PNLIPRP3: variants seen among roughly 807,000 people sequenced by gnomAD.
The protein encoded by PNLIPRP3 is pancreatic lipase-related protein 3.
A neutral mutation model predicts 52.8 loss-of-function variants in PNLIPRP3; 58 were observed. The ratio of observed to expected loss-of-function variants is 1.10; its 90% CI spans 0.89 to 1.37. The LOEUF (loss-of-function observed/expected upper bound fraction) is 1.37, where lower values mean the gene tolerates loss of function less well. PNLIPRP3 is among the 40% of genes most tolerant of loss of function. PNLIPRP3 has a pLI of 0.00. For synonymous variants in PNLIPRP3, 192 were observed against 185.0 expected (o/e 1.04, Z -0.31); for missense variants, 593 against 561.6 (o/e 1.06, Z -0.57).
intron 10 of PNLIPRP3, among the ~76,000 whole-genome samples, chr10:116,475,991 G>C (rs1846458202): frequency 6.6e-6 from 1 of 152,136 alleles, no homozygotes; most frequent in Non-Finnish European, 1.5e-5. Context: ...AAGAGATGTT[G>C]GTTTGGGTGC....
rs1846055423 is a variant in PNLIPRP3, at chr10:116,452,650, C to A, written c.457-3072C>A. On this transcript the variant is annotated intron_variant, in intron 4 of 11. Transcript: ENST00000369230. ...GCATCCCAGCTGCTCAGGCTCCACC[C>A]TCAGCAACTAGGGCCCCAGATACAG... Among the ~76,000 whole-genome samples, 3 of 152,212 alleles carry A rather than the reference C, an allele frequency of 2.0e-5. No individual in the cohort carries two copies. In the South Asian group the frequency reaches 6.2e-4, roughly 31 times the overall value.
At chr10:116,462,150 C>T (rs749478669) in intron 7 of PNLIPRP3, among the ~76,000 whole-genome samples, 1 of 152,016 alleles carries the variant, frequency 6.6e-6, no homozygotes, top group Non-Finnish European at 1.5e-5. Context: ...ACAAATTAAA[C>T]AAGTAGTATT....
At chr10:116,439,025 G>A (rs148523684) in intron 2 of PNLIPRP3, among the ~76,000 whole-genome samples, 1 of 152,284 alleles carries the variant, frequency 6.6e-6, no homozygotes, top group East Asian at 1.9e-4. Flanking sequence ...GAGATATCTG[G>A]AGCAGGTAAT....
chr10:116,463,674 G>C (rs1040047438), intron 7 of PNLIPRP3, among the ~76,000 whole-genome samples: 7 of 152,116 alleles, frequency 4.6e-5, no homozygotes, highest in African/African-American at 7.2e-5. Flanking sequence ...TACTGCAAAT[G>C]GGTGAGGACC....
At chr10:116,444,166 C>A (rs1845907512) in intron 3 of PNLIPRP3, among the ~76,000 whole-genome samples, 1 of 151,858 alleles carries the variant, frequency 6.6e-6, no homozygotes, top group Admixed American at 6.6e-5. Flanking sequence ...GGGAAACCAC[C>A]CCCATGAATC....
intron 9 of PNLIPRP3, among the ~76,000 whole-genome samples, chr10:116,470,515 T>A (rs1269687374): frequency 4.2e-4 from 1 of 2,374 alleles, no homozygotes; most frequent in Non-Finnish European, 1.2e-3. Context: ...ATATATATAA[T>A]TTTTTTTTTT....
intron 5 of PNLIPRP3, among the ~76,000 whole-genome samples, chr10:116,457,946 CCT>C (rs1422698308): frequency 1.3e-5 from 2 of 152,022 alleles, no homozygotes; most frequent in African/African-American, 4.8e-5. Flanking sequence ...AATCTATATT[CCT>C]CTGAGAAATT....
At chr10:116,452,589 C>A (rs2133132331) in intron 4 of PNLIPRP3, among the ~76,000 whole-genome samples, 1 of 152,326 alleles carries the variant, frequency 6.6e-6, no homozygotes, top group East Asian at 1.9e-4. Context: ...GCCTAGGGTG[C>A]CACTGCCCTG....
chr10:116,452,463 T>G (rs1846052677), intron 4 of PNLIPRP3, among the ~76,000 whole-genome samples: 2 of 152,142 alleles, frequency 1.3e-5, no homozygotes, highest in African/African-American at 4.8e-5. Flanking sequence ...GGGAGCTGGG[T>G]GCTACTATCC....
Position 116,436,837 on chromosome 10 carries a change from A to G in PNLIPRP3, c.176A>G (p.Tyr59Cys), listed in dbSNP as rs760605429. Residue 59 changes from tyrosine to cysteine, a missense_variant, in exon 2 of 12, where the codon TAC becomes TGC. Physicochemically the swap from Tyr to Cys is radical, Grantham distance 194. Coordinates refer to ENST00000369230, the MANE Select transcript of PNLIPRP3 (RefSeq NM_001011709.3). ...AAGATAAACACTCGTTTCCTGCTCTACACTATACACAATCCCAATGCCTAT... is the reference window on the plus strand; with the variant it reads ...AAGATAAACACTCGTTTCCTGCTCTGCACTATACACAATCCCAATGCCTAT... Reference protein sequence around the residue: ...PEKINTRFLLYTIHNPNAYQE... With the variant: ...PEKINTRFLLCTIHNPNAYQE... The G allele has an allele frequency of 1.2e-6, 2 of 1,609,290 alleles. No individual in the cohort carries two copies. Among genetic ancestry groups the G allele is most frequent in the Non-Finnish European group, 1.7e-6 (2 of 1,177,290 alleles).
At chr10:116,429,551 C>T (rs932119320) in intron 1 of PNLIPRP3, among the ~76,000 whole-genome samples, 4 of 152,170 alleles carry the variant, frequency 2.6e-5, no homozygotes, top group African/African-American at 7.2e-5. Flanking sequence ...ACTTTCAGTT[C>T]AGTGTTTTTC....
chr10:116,460,883 G>A, intron 5 of PNLIPRP3, 83 bp from the exon 6 acceptor site: 1 of 1,519,770 alleles, frequency 6.6e-7, no homozygotes, highest in East Asian at 2.3e-5. Context: ...TAGAAATAAT[G>A]TAGGAAAGGA....
intron 4 of PNLIPRP3, among the ~76,000 whole-genome samples, chr10:116,454,180 C>A (rs10885938): frequency 2.3e-4 from 35 of 152,130 alleles, no homozygotes; most frequent in Non-Finnish European, 4.4e-4. Context: ...GTGCAGTGGC[C>A]TGATCTCAGC....
Position 116,455,713 on chromosome 10 carries a change from T to A in PNLIPRP3, c.457-9T>A. On this transcript the variant is annotated splice_polypyrimidine_tract_variant and intron_variant, in intron 4 of 11. Transcript: ENST00000369230. ...TTAAAATACTTATTCTGTTAAACAA[T>A]TCTTTCAGAAAAAATTTGAATATTC... 1.3e-6 allele frequency: 2 copies of A among 1,599,432 alleles called. No homozygotes were observed. The highest frequency in any genetic ancestry group is 1.3e-5 in the African/African-American group (1 of 74,678).
At chr10:116,440,706 T>G (rs577696684) in intron 2 of PNLIPRP3, among the ~76,000 whole-genome samples, 1 of 152,184 alleles carries the variant, frequency 6.6e-6, no homozygotes. Context: ...GTCTTTACAG[T>G]TACCTTTCTG....
chr10:116,475,838 AATTTAGATTGG>A (rs1490844245), intron 10 of PNLIPRP3, among the ~76,000 whole-genome samples: 29 of 152,326 alleles, frequency 1.9e-4, no homozygotes, highest in African/African-American at 6.7e-4. Flanking sequence ...CATGGGGACA[AATTTAGATTGG>A]ATTGTAGCTT....
At chr10:116,430,027 T>C (rs1755632600) in intron 1 of PNLIPRP3, among the ~76,000 whole-genome samples, 1 of 152,152 alleles carries the variant, frequency 6.6e-6, no homozygotes, top group African/African-American at 2.4e-5. Flanking sequence ...GGAAAGTTGG[T>C]AAAGCAGGAG....
chr10:116,443,661 T>C, intron 3 of PNLIPRP3, among the ~76,000 whole-genome samples: 1 of 104,192 alleles, frequency 9.6e-6, no homozygotes, highest in African/African-American at 3.3e-5. Flanking sequence ...TGTTTATATA[T>C]ATAACACATA....
chr10:116,446,374 A>G (rs1245701522), intron 4 of PNLIPRP3, among the ~76,000 whole-genome samples: 1 of 120,228 alleles, frequency 8.3e-6, no homozygotes, highest in Non-Finnish European at 1.9e-5. Context: ...AAAAAAAAAT[A>G]GTGGCAACAG....
Sources: gnomAD v4.1 joint callset for allele counts (sites outside exome capture counted in the v4.1 genomes callset) on GRCh38, gnomAD v4.1.1 for gene constraint, MANE v1.5 for transcripts, NCBI Gene and HGNC (gene_info 2026-07-23, HGNC 2026-07-21) for gene names.